Variants in TMEM260 observed in about 807,000 individuals in gnomAD.
TMEM260 encodes transmembrane protein 260.
TMEM260 carries 82 observed loss-of-function variants against 88.9 expected under a neutral mutation model. The observed-to-expected ratio is 0.92, with a 90% confidence interval of 0.77 to 1.11. The LOEUF (loss-of-function observed/expected upper bound fraction) is 1.11. Ranked by LOEUF, TMEM260 falls within the 50% of genes least tolerant of loss-of-function variation. The probability of loss-of-function intolerance (pLI) is 0.00; values close to 1 mark genes in which losing one functional copy is unlikely to be tolerated. For synonymous variants in TMEM260, 314 were observed against 309.3 expected (o/e 1.02, Z -0.16); for missense variants, 902 against 853.4 (o/e 1.06, Z -0.71).
chr14:56,638,194 A>T (rs1410061477), intron 15 of TMEM260: 1 of 150,858 alleles, frequency 6.6e-6, no homozygotes, highest in Non-Finnish European at 1.5e-5. Context: ...ATAGCAAAAT[A>T]CCTGATTATA....
chr14:56,596,876 T>C (rs1229469379), intron 3 of TMEM260, among the ~76,000 whole-genome samples: 2 of 151,786 alleles, frequency 1.3e-5, no homozygotes, highest in East Asian at 1.9e-4. Context: ...TTTTTGACTT[T>C]GTAATACATT....
At chr14:56,637,183 A>ATAAATGTATGTTGTT (rs1889164894) in intron 15 of TMEM260, among the ~76,000 whole-genome samples, 1 of 152,212 alleles carries the variant, frequency 6.6e-6, no homozygotes, top group African/African-American at 2.4e-5. Context: ...GTGTGAGATA[A>ATAAATGTATGTTGTT]TAAATGTATG....
At chr14:56,632,150 G>C (rs1336592211) in intron 12 of TMEM260, among the ~76,000 whole-genome samples, 3 of 152,146 alleles carry the variant, frequency 2.0e-5, no homozygotes, top group African/African-American at 7.2e-5. Context: ...ATTGCTCTCT[G>C]CATCTCTCTC....
chr14:56,640,873 G>T (rs970942544), intron 15 of TMEM260, among the ~76,000 whole-genome samples: 1 of 152,162 alleles, frequency 6.6e-6, no homozygotes, highest in African/African-American at 2.4e-5. Flanking sequence ...TAGCCAATGC[G>T]ATCAACTGGA....
chr14:56,618,571 CTGGT>C lies in TMEM260; in HGVS notation c.1057-20_1057-17del. On this transcript the variant is annotated intron_variant, in intron 9 of 15. Coordinates refer to ENST00000261556, the MANE Select transcript of TMEM260 (RefSeq NM_017799.4). The stretch of plus-strand genomic sequence containing the variant: ...AGCATTAAATAGTCAACTGGACCCA[CTGGT>C]TGCATGTCTCTTTCACAGGTGGAAC... 1 of 1,611,556 alleles carries C rather than the reference CTGGT, an allele frequency of 6.2e-7. No individual in the cohort carries two copies. Among genetic ancestry groups the C allele is most frequent in the Non-Finnish European group, 8.5e-7 (1 of 1,178,808 alleles).
intron 3 of TMEM260, among the ~76,000 whole-genome samples, chr14:56,603,273 G>A (rs1335088326): frequency 1.3e-5 from 2 of 151,950 alleles, no homozygotes; most frequent in Non-Finnish European, 2.9e-5. Flanking sequence ...CCCTTGCAAA[G>A]TAAGAAATGC....
At chr14:56,639,612 A>T (rs1170231138) in intron 15 of TMEM260, among the ~76,000 whole-genome samples, 2 of 152,162 alleles carry the variant, frequency 1.3e-5, no homozygotes, top group Non-Finnish European at 2.9e-5. Flanking sequence ...CAACTGAGGT[A>T]CCGGGTTCAT....
At chr14:56,654,544 T>TG (rs1314781401), downstream of TMEM260, among the ~76,000 whole-genome samples, 1 of 151,084 alleles carries the variant, frequency 6.6e-6, no homozygotes, top group African/African-American at 2.5e-5. Flanking sequence ...GTCAGGCGGG[T>TG]GCAGTGGCTC....
chr14:56,627,085 T>C (rs1298581142), intron 12 of TMEM260, among the ~76,000 whole-genome samples: 1 of 152,174 alleles, frequency 6.6e-6, no homozygotes, highest in Admixed American at 6.5e-5. Context: ...ACGAATATTC[T>C]ATTTTTGGGA....
At chr14:56,615,127 T>G (rs8009959) in intron 7 of TMEM260, among the ~76,000 whole-genome samples, 4,909 of 152,244 alleles carry the variant, frequency 0.032, 280 homozygotes, top group African/African-American at 0.11. Flanking sequence ...TGAAAATGAG[T>G]AAGGATATCT....
At chr14:56,651,072 T>C (rs1211776631), downstream of TMEM260, among the ~76,000 whole-genome samples, 1 of 152,130 alleles carries the variant, frequency 6.6e-6, no homozygotes, top group Non-Finnish European at 1.5e-5. Flanking sequence ...CACAAACAAA[T>C]AAGTAATGTT....
rs572374152 is a variant in TMEM260 at position 56,627,836 on chromosome 14, AACC to A, written c.1547+2312_1547+2314del. On this transcript the variant is annotated intron_variant, in intron 12 of 15. Transcript: ENST00000261556. ...TTTTAACCCGTGTATACATTTGTGTAACCACCACAACAGTCAGGACACAGAGCA... is the reference window on the plus strand; with the variant it reads ...TTTTAACCCGTGTATACATTTGTGTAACCACAACAGTCAGGACACAGAGCA... Among the ~76,000 whole-genome samples, 1,410 of 152,306 alleles carry A rather than the reference AACC, an allele frequency of 9.3e-3. 21 individuals are homozygous for A. Among genetic ancestry groups the A allele is most frequent in the Non-Finnish European group, 0.012 (785 of 68,022 alleles).
intron 9 of TMEM260, 54 bp downstream of exon 9, chr14:56,617,351 A>G: frequency 8.5e-7 from 1 of 1,179,414 alleles, no homozygotes; most frequent in Non-Finnish European, 1.2e-6. Context: ...AGAATGTGCA[A>G]ATTTGCATTT....
chr14:56,591,907 A>G lies in TMEM260; in HGVS notation c.344+5995A>G, dbSNP rs1269857030. On this transcript the variant is annotated intron_variant, in intron 3 of 15. Transcript: ENST00000261556. ...CTTTATCATTTAATAGCTAATGCAC[A>G]ACTCTTAATTCTAATGGAAATTTTG... is the stretch of plus-strand genomic sequence containing the variant. Among the ~76,000 whole-genome samples the G allele has an allele frequency of 2.0e-5, 3 of 152,340 alleles. No individual in the cohort carries two copies. In the East Asian group the frequency reaches 5.8e-4, roughly 29 times the overall value.
chr14:56,612,363 T>C, intron 7 of TMEM260, 78 bp downstream of exon 7: 1 of 1,243,328 alleles, frequency 8.0e-7, no homozygotes. Flanking sequence ...GATTTCTGAG[T>C]TCATCTCTTT....
At chr14:56,589,762 C>T (rs944940874) in intron 3 of TMEM260, among the ~76,000 whole-genome samples, 2 of 152,044 alleles carry the variant, frequency 1.3e-5, no homozygotes, top group African/African-American at 4.8e-5. Flanking sequence ...TTTTAAACAT[C>T]GTGTTGCTGC....
chr14:56,643,807 C>T (rs991906488), intron 15 of TMEM260, among the ~76,000 whole-genome samples: 2 of 152,228 alleles, frequency 1.3e-5, no homozygotes, highest in African/African-American at 4.8e-5. Flanking sequence ...GCAACTTCAG[C>T]AAAGTCTCAG....
downstream of TMEM260, among the ~76,000 whole-genome samples, chr14:56,654,543 G>A (rs1255849879): frequency 1.3e-5 from 2 of 151,252 alleles, no homozygotes; most frequent in Non-Finnish European, 2.9e-5. Context: ...TGTCAGGCGG[G>A]TGCAGTGGCT....
At chr14:56,653,746 A>AAAAAAACAAACAAACAAAC (rs987813850), downstream of TMEM260, among the ~76,000 whole-genome samples, 3 of 85,968 alleles carry the variant, frequency 3.5e-5, no homozygotes, top group African/African-American at 8.5e-5. Flanking sequence ...CAAAACAAAA[A>AAAAAAACAAACAAACAAAC]AAAAAAAAAC....
Sources: allele counts gnomAD v4.1 joint callset (sites outside exome capture counted in the v4.1 genomes callset), GRCh38; gene constraint gnomAD v4.1.1; transcripts MANE v1.5; gene names NCBI Gene and HGNC (gene_info 2026-07-23, HGNC 2026-07-21).